MYO16: variants seen among roughly 807,000 people sequenced by gnomAD.
MYO16 encodes the protein myosin XVI.
A neutral mutation model predicts 205.3 loss-of-function variants in MYO16; 94 were observed. That is an observed-to-expected ratio of 0.46 (90% CI 0.39 to 0.54). MYO16 has a LOEUF of 0.54. Ranked by LOEUF, MYO16 falls within the 20% of genes least tolerant of loss-of-function variation. MYO16 has a pLI of 0.00. For synonymous variants in MYO16, 988 were observed against 954.0 expected, an observed-to-expected ratio of 1.04 and a Z score of -0.66; for missense variants, 2,315 against 2,387.5, an observed-to-expected ratio of 0.97 and a Z score of 0.63.
chr13:108,960,527 A>G (rs553495639), intron 17 of MYO16, among the ~76,000 whole-genome samples: 58 of 152,296 alleles, frequency 3.8e-4, no homozygotes, highest in South Asian at 1.9e-3. Context: ...GAAAACTACA[A>G]GCTCTGGGGA....
intron 16 of MYO16, among the ~76,000 whole-genome samples, chr13:108,939,144 T>C (rs1882616320): frequency 1.3e-5 from 2 of 152,230 alleles, no homozygotes; most frequent in African/African-American, 4.8e-5. Context: ...TGTTAAAGAA[T>C]GGCTGCCTTT....
Position 108,844,474 on chromosome 13 carries a change from G to A in MYO16, c.1229G>A (p.Gly410Asp). 1 of 1,610,520 alleles carries A rather than the reference G, an allele frequency of 6.2e-7. No individual in the cohort carries two copies. The change falls in exon 10 of 35, where the codon GGT becomes GAT. Residue 410 changes from glycine to aspartate, a missense_variant. Around this residue, in one of 3 missense-constraint regions of MYO16, gnomAD observed 1,213 missense variants for 1,274.4 expected, o/e 0.95. Coordinates refer to ENST00000457511, the MANE Select transcript of MYO16 (RefSeq NM_001198950.3). ...ATCCCTGAAAACCCCATGATGAGCG[G>A]TTCCACCAAACCCGAGCAGGTAATC... ...DSIPENPMMSGSTKPEQVKLM... is the reference protein window; with the variant it reads ...DSIPENPMMSDSTKPEQVKLM...
At chr13:109,082,228 C>T (rs1195980386) in intron 27 of MYO16, among the ~76,000 whole-genome samples, 5 of 152,106 alleles carry the variant, frequency 3.3e-5, no homozygotes, top group Admixed American at 6.5e-5. Context: ...GCAGGAGGAG[C>T]ACCCCGTTCC....
At position 108,837,944 on chromosome 13, in the gene MYO16, C is replaced by A. The variant is rs371435506; in HGVS notation, c.1098-6399C>A. Among the ~76,000 whole-genome samples the A allele has an allele frequency of 7.2e-5, 11 of 151,822 alleles. 1 individual carries two copies. The highest frequency in any genetic ancestry group is 7.2e-4 in the Admixed American group (11 of 15,232). ...ACTCTTTTATTAATCACCCTAGACT[C>A]AAAAAATTTGGTATATGCAAACCCT... On this transcript the variant is annotated intron_variant, in intron 9 of 34. Coordinates refer to ENST00000457511, the MANE Select transcript of MYO16 (RefSeq NM_001198950.3).
the MYO16 span, among the ~76,000 whole-genome samples, chr13:108,585,964 T>TAACCTTCCC: frequency 1.3e-5 from 2 of 151,818 alleles, no homozygotes; most frequent in African/African-American, 2.4e-5. Flanking sequence ...CAAAATATTT[T>TAACCTTCCC]AAGACTTGAT....
chr13:108,531,913 T>A, the MYO16 span, among the ~76,000 whole-genome samples: 578 of 152,090 alleles, frequency 3.8e-3, 28 homozygotes, highest in East Asian at 0.095. Flanking sequence ...TATGAGGTCA[T>A]CAAAAGCAGA....
chr13:108,857,108 G>A (rs1878221583), intron 11 of MYO16, among the ~76,000 whole-genome samples: 1 of 151,992 alleles, frequency 6.6e-6, no homozygotes, highest in African/African-American at 2.4e-5. Flanking sequence ...TTGTTTGTTT[G>A]TTTCTCCTAG....
chr13:109,115,263 A>C (rs1229826665), intron 28 of MYO16, among the ~76,000 whole-genome samples: 2 of 151,368 alleles, frequency 1.3e-5, no homozygotes, highest in Non-Finnish European at 2.9e-5. Flanking sequence ...AAAAAAAAAA[A>C]AAAAAAACAC....
At chr13:108,979,543 T>C (rs1011433747) in intron 20 of MYO16, among the ~76,000 whole-genome samples, 2 of 152,120 alleles carry the variant, frequency 1.3e-5, no homozygotes, top group African/African-American at 2.4e-5. Flanking sequence ...ATGAATATAG[T>C]ATGAGTGACT....
chr13:109,114,635 C>T (rs539757773), intron 28 of MYO16, among the ~76,000 whole-genome samples: 2 of 152,286 alleles, frequency 1.3e-5, no homozygotes, highest in Non-Finnish European at 2.9e-5. Flanking sequence ...ATCACAAGTG[C>T]ACATTTCCTT....
chr13:109,014,032 G>C (rs1307200176), intron 22 of MYO16, among the ~76,000 whole-genome samples: 1 of 152,148 alleles, frequency 6.6e-6, no homozygotes, highest in Non-Finnish European at 1.5e-5. Flanking sequence ...TACTCATAAA[G>C]TCTTTGCCCA....
At chr13:108,877,016 A>C (rs1214317265) in intron 12 of MYO16, among the ~76,000 whole-genome samples, 1 of 152,188 alleles carries the variant, frequency 6.6e-6, no homozygotes, top group Non-Finnish European at 1.5e-5. Context: ...TCACGCTTTC[A>C]AAAATTTTCC....
intron 16 of MYO16, among the ~76,000 whole-genome samples, chr13:108,954,999 C>T (rs896852147): frequency 6.6e-6 from 1 of 152,202 alleles, no homozygotes; most frequent in Non-Finnish European, 1.5e-5. Context: ...TCCTGCTGCT[C>T]TCTGCTCCGC....
Position 108,920,284 on chromosome 13 carries a change from CTCTTTCTCTT to C in MYO16, c.1925+10148_1925+10157del, listed in dbSNP as rs1387912748. Among the ~76,000 whole-genome samples, 38 of 150,326 alleles carry C rather than the reference CTCTTTCTCTT, an allele frequency of 2.5e-4. 1 individual carries two copies. In the South Asian group the frequency reaches 6.9e-3, roughly 27 times the overall value. On this transcript the variant is annotated intron_variant, in intron 16 of 34. Coordinates refer to ENST00000457511, the MANE Select transcript of MYO16 (RefSeq NM_001198950.3). ...TGCCTTTTGTTCCACTCCTTTTTTT[CTCTTTCTCTT>C]TCTTTCTCTTTCTCTTTCTCCTTCC...
chr13:108,558,369 G>A, the MYO16 span, among the ~76,000 whole-genome samples: 2 of 152,180 alleles, frequency 1.3e-5, no homozygotes, highest in Non-Finnish European at 2.9e-5. Context: ...ACATCAAGAG[G>A]CATCATCTTT....
At chr13:109,004,066 G>A (rs774447466) in intron 21 of MYO16, among the ~76,000 whole-genome samples, 1 of 152,108 alleles carries the variant, frequency 6.6e-6, no homozygotes, top group African/African-American at 2.4e-5. Context: ...TTATCATTTC[G>A]CACAGTAATA....
intron 1 of MYO16, among the ~76,000 whole-genome samples, chr13:108,660,383 C>T (rs545434364): frequency 6.6e-6 from 1 of 152,060 alleles, no homozygotes; most frequent in Non-Finnish European, 1.5e-5. Context: ...GTATTGGAGT[C>T]CCCCACTATC....
chr13:108,827,734 C>T (rs751602905), intron 9 of MYO16, among the ~76,000 whole-genome samples: 1 of 152,148 alleles, frequency 6.6e-6, no homozygotes, highest in Non-Finnish European at 1.5e-5. Flanking sequence ...CTGGGCGCCT[C>T]CTCTCTGTGT....
the MYO16 span, among the ~76,000 whole-genome samples, chr13:108,519,691 C>T: frequency 1.3e-5 from 2 of 150,830 alleles, no homozygotes; most frequent in Non-Finnish European, 2.9e-5. Flanking sequence ...CAAACTTTTA[C>T]ACTAAGTCCA....
Sources: allele counts gnomAD v4.1 joint callset (sites outside exome capture counted in the v4.1 genomes callset), GRCh38; gene constraint gnomAD v4.1.1; regional missense constraint gnomAD v4.1.1; transcripts MANE v1.5; gene names NCBI Gene and HGNC (gene_info 2026-07-23, HGNC 2026-07-21).